Variants in DNAH9 observed in about 807,000 individuals in gnomAD.
DNAH9 encodes DNAH9 variant protein.
Under a neutral mutation model 471.6 loss-of-function variants are expected in DNAH9, and 345 were observed. The observed-to-expected ratio is 0.73, with a 90% CI of 0.67 to 0.80. DNAH9 has a LOEUF of 0.80. Among genes scored for constraint, DNAH9 ranks in the 30% least tolerant of loss-of-function variants. The pLI is 0.00. For synonymous variants in DNAH9, 2,093 were observed against 2,123.6 expected (o/e 0.99, Z 0.40); for missense variants, 5,407 against 5,609.2 (o/e 0.96, Z 1.15).
At position 11,956,494 on chromosome 17, in the gene DNAH9, T is replaced by C. The variant is rs552862155; in HGVS notation, c.12844-5373T>C. On this transcript the variant is annotated intron_variant, in intron 67 of 68. Coordinates refer to ENST00000262442, the MANE Select transcript of DNAH9 (RefSeq NM_001372.4). ...CAAAATTATCAACCAACTTAACCAA[T>C]TTTACAGACACTCCAACAATGTCAG... Among the ~76,000 whole-genome samples the C allele has an allele frequency of 1.4e-4, 21 of 152,276 alleles. No homozygotes were observed. In the East Asian group the frequency reaches 3.7e-3, roughly 27 times the overall value.
At chr17:11,783,214 G>A (rs1301112777) in intron 39 of DNAH9, among the ~76,000 whole-genome samples, 1 of 152,122 alleles carries the variant, frequency 6.6e-6, no homozygotes, top group Non-Finnish European at 1.5e-5. Flanking sequence ...TGGAAAAGAG[G>A]GATGAGGAAG....
chr17:11,734,094 TGC>T (rs1198636440), intron 28 of DNAH9, among the ~76,000 whole-genome samples: 1 of 151,482 alleles, frequency 6.6e-6, no homozygotes, highest in Non-Finnish European at 1.5e-5. Context: ...CAGCAGAGGG[TGC>T]CAGGCATGGC....
chr17:11,901,994 G>A (rs183678422), intron 59 of DNAH9, among the ~76,000 whole-genome samples: 88 of 152,302 alleles, frequency 5.8e-4, no homozygotes, highest in African/African-American at 1.8e-3. Flanking sequence ...TATAACAATC[G>A]TGACCAGCAC....
intron 53 of DNAH9, among the ~76,000 whole-genome samples, chr17:11,876,688 T>C (rs978481406): frequency 1.3e-5 from 2 of 152,122 alleles, no homozygotes; most frequent in African/African-American, 4.8e-5. Context: ...GTTTCACAGG[T>C]ACAGAGTTTC....
Position 11,768,439 on chromosome 17 carries a change from C to CT in DNAH9, c.7171-11dup, listed in dbSNP as rs751510591. On this transcript the variant is annotated splice_polypyrimidine_tract_variant and intron_variant, in intron 36 of 68. Transcript: ENST00000262442. The stretch of plus-strand genomic sequence containing the variant: ...CTGGAGGACCTTGTCCCCTGACTGT[C>CT]TTTGTTTTTGCAGCTTGTGGACTAC... 2.3e-5 allele frequency: 37 copies of CT among 1,610,092 alleles called. No individual in the cohort carries two copies. In the South Asian group the frequency reaches 3.6e-4, roughly 16 times the overall value.
chr17:11,786,874 T>G (rs114359541), intron 41 of DNAH9, among the ~76,000 whole-genome samples: 7,887 of 152,120 alleles, frequency 0.052, 687 homozygotes, highest in African/African-American at 0.18. Context: ...CCCCCTGAGG[T>G]CTGCATCCCA....
intron 50 of DNAH9, among the ~76,000 whole-genome samples, chr17:11,859,985 A>G (rs1459893957): frequency 6.6e-6 from 1 of 152,062 alleles, no homozygotes; most frequent in Non-Finnish European, 1.5e-5. Flanking sequence ...CCTTCCTTCT[A>G]CTTCCCAACT....
intron 44 of DNAH9, among the ~76,000 whole-genome samples, chr17:11,809,207 ATG>A (rs10624862): frequency 6.6e-6 from 1 of 150,538 alleles, no homozygotes; most frequent in Admixed American, 6.6e-5. Context: ...GCATTTGTGT[ATG>A]TGTGTGTGTG....
intron 9 of DNAH9, 59 bp downstream of exon 9, chr17:11,636,843 A>G (rs1159290835): frequency 7.0e-7 from 1 of 1,435,450 alleles, no homozygotes; most frequent in African/African-American, 1.4e-5. Context: ...GAAGCAACTC[A>G]TTCCTCTTGT....
intron 34 of DNAH9, 30 bp downstream of exon 34, chr17:11,756,706 G>A (rs748365082): frequency 1.2e-4 from 173 of 1,392,488 alleles, no homozygotes; most frequent in Non-Finnish European, 1.7e-4. Context: ...GAACCACAAA[G>A]CTACTCCACT....
chr17:11,621,407 C>CAA lies in DNAH9; in HGVS notation c.1350+1646_1350+1647dup, dbSNP rs34933930. Among the ~76,000 whole-genome samples, 240 of 72,298 alleles carry CAA rather than the reference C, an allele frequency of 3.3e-3. 2 individuals carry two copies. Among genetic ancestry groups the CAA allele is most frequent in the Middle Eastern group, 7.7e-3 (1 of 130 alleles). The allele number at this position is 72,298 out of a possible 152,430, so 47.4% of individuals were successfully genotyped here. On this transcript the variant is annotated intron_variant, in intron 6 of 68. Coordinates refer to ENST00000262442, the MANE Select transcript of DNAH9 (RefSeq NM_001372.4). ...TGGGAGACAGGGCGAGACTCCATCTCAAAAAAAAAAAAAAAAAAAAAGACA... is the reference window on the plus strand; with the variant it reads ...TGGGAGACAGGGCGAGACTCCATCTCAAAAAAAAAAAAAAAAAAAAAAAGACA...
chr17:11,605,412 A>G (rs1173967134), intron 1 of DNAH9, among the ~76,000 whole-genome samples: 2 of 152,212 alleles, frequency 1.3e-5, no homozygotes, highest in Non-Finnish European at 2.9e-5. Context: ...CACCTAGAAA[A>G]GTACCAGCAC....
intron 50 of DNAH9, among the ~76,000 whole-genome samples, chr17:11,859,104 A>AAAT (rs1491036104): frequency 3.3e-5 from 5 of 150,324 alleles, no homozygotes; most frequent in Non-Finnish European, 5.9e-5. Flanking sequence ...AAAAAAAAAA[A>AAAT]AGAGTAATGA....
At chr17:11,783,579 C>G in intron 39 of DNAH9, 67 bp from the exon 40 acceptor site, 1 of 1,271,140 alleles carries the variant, frequency 7.9e-7, no homozygotes, top group East Asian at 2.3e-5. Flanking sequence ...TCCTACCGCA[C>G]CTTGACAAAG....
chr17:11,923,987 C>T lies in DNAH9; in HGVS notation c.11877+46C>T, dbSNP rs770554558. On this transcript the variant is annotated intron_variant, in intron 62 of 68. Transcript: ENST00000262442. ...CTGGGTTATCTTGACCCATACTTGCCTCATCCCACACTCACTGGGCATCTC... is the reference window on the plus strand; with the variant it reads ...CTGGGTTATCTTGACCCATACTTGCTTCATCCCACACTCACTGGGCATCTC... 1.6e-5 allele frequency: 25 copies of T among 1,599,382 alleles called. No individual in the cohort carries two copies. In the South Asian group the frequency reaches 2.2e-4, roughly 14 times the overall value.
intron 56 of DNAH9, chr17:11,884,444 G>T: frequency 2.6e-6 from 1 of 378,984 alleles, no homozygotes; most frequent in Admixed American, 2.8e-5. Context: ...CATCAGAAGG[G>T]CATTGGAGAT....
chr17:11,639,644 G>A (rs2073230570), intron 9 of DNAH9, among the ~76,000 whole-genome samples: 1 of 152,168 alleles, frequency 6.6e-6, no homozygotes, highest in Non-Finnish European at 1.5e-5. Context: ...CAGGGTGATT[G>A]AGTTGTCTGT....
chr17:11,747,428 G>A, intron 31 of DNAH9, 128 bp from the exon 32 acceptor site: 2 of 681,056 alleles, frequency 2.9e-6, no homozygotes, highest in South Asian at 3.5e-5. Flanking sequence ...CTGACATCTT[G>A]GGGTAGATAA....
At chr17:11,918,202 GTTTTT>G (rs1179707507) in intron 61 of DNAH9, among the ~76,000 whole-genome samples, 11 of 135,186 alleles carry the variant, frequency 8.1e-5, no homozygotes, top group Admixed American at 3.0e-4. Flanking sequence ...TTGGTTGGGT[GTTTTT>G]TTGTTTTGTT....
Sources: allele counts gnomAD v4.1 joint callset (sites outside exome capture counted in the v4.1 genomes callset), GRCh38; gene constraint gnomAD v4.1.1; transcripts MANE v1.5; gene names NCBI Gene and HGNC (gene_info 2026-07-23, HGNC 2026-07-21).